TAFA4: variants seen among roughly 807,000 people sequenced by gnomAD.
The protein encoded by TAFA4 is TAFA chemokine like family member 4.
In TAFA4, 20 loss-of-function variants were observed where a neutral mutation model predicts 21.1. That is an observed-to-expected ratio of 0.95 (90% confidence interval 0.67 to 1.38). The LOEUF is 1.38. TAFA4 is among the 40% of genes most tolerant of loss of function. The pLI is 0.00. For synonymous variants in TAFA4, 71 were observed against 67.4 expected, an observed-to-expected ratio of 1.05 and a Z score of -0.26; for missense variants, 211 against 180.9, an observed-to-expected ratio of 1.17 and a Z score of -0.95.
chr3:68,859,399 C>T (rs575222950), intron 3 of TAFA4, among the ~76,000 whole-genome samples: 3 of 152,182 alleles, frequency 2.0e-5, no homozygotes, highest in East Asian at 3.9e-4. Flanking sequence ...CTCCTTGCTG[C>T]GAAGTTTTCC....
chr3:68,832,056 G>A (rs1221745942), intron 3 of TAFA4, among the ~76,000 whole-genome samples: 1 of 151,024 alleles, frequency 6.6e-6, no homozygotes, highest in Non-Finnish European at 1.5e-5. Context: ...TCTCTACACT[G>A]GTTATTCCAG....
intron 1 of TAFA4, among the ~76,000 whole-genome samples, chr3:68,904,339 T>G (rs773951111): frequency 3.3e-5 from 5 of 152,164 alleles, no homozygotes; most frequent in African/African-American, 9.7e-5. Context: ...GGGAGAGCCA[T>G]AGGCTAGCGA....
intron 1 of TAFA4, among the ~76,000 whole-genome samples, chr3:68,894,229 G>A (rs2089761690): frequency 1.3e-5 from 2 of 151,460 alleles, no homozygotes; most frequent in Admixed American, 6.6e-5. Flanking sequence ...CACAATCAGG[G>A]GTCACTGCGT....
intron 4 of TAFA4, among the ~76,000 whole-genome samples, chr3:68,743,707 C>G (rs1702401273): frequency 6.6e-6 from 1 of 152,104 alleles, no homozygotes; most frequent in Admixed American, 6.5e-5. Flanking sequence ...TTTGATTGTC[C>G]CAACAACCTT....
chr3:68,773,785 C>T (rs4484195), intron 3 of TAFA4, among the ~76,000 whole-genome samples: 2 of 151,936 alleles, frequency 1.3e-5, no homozygotes, highest in African/African-American at 2.4e-5. Flanking sequence ...ATAAAATTTT[C>T]GTTTGACAGA....
chr3:68,760,567 C>T (rs1369813403), intron 3 of TAFA4, among the ~76,000 whole-genome samples: 3 of 152,176 alleles, frequency 2.0e-5, no homozygotes, highest in Non-Finnish European at 4.4e-5. Flanking sequence ...TCACACTCCA[C>T]TGATCTTCTT....
intron 3 of TAFA4, among the ~76,000 whole-genome samples, chr3:68,796,183 T>G (rs1379327938): frequency 6.6e-6 from 1 of 152,110 alleles, no homozygotes; most frequent in Non-Finnish European, 1.5e-5. Context: ...AGGCCCTAAA[T>G]AAACCACTTG....
chr3:68,897,017 C>T (rs1469715632), intron 1 of TAFA4, among the ~76,000 whole-genome samples: 1 of 152,170 alleles, frequency 6.6e-6, no homozygotes, highest in Non-Finnish European at 1.5e-5. Context: ...ATTCTCCTGC[C>T]TCAGCCTCCC....
chr3:68,773,276 G>C (rs1165542868), intron 3 of TAFA4, among the ~76,000 whole-genome samples: 1 of 152,114 alleles, frequency 6.6e-6, no homozygotes, highest in Non-Finnish European at 1.5e-5. Flanking sequence ...AGCTCTATAT[G>C]TATAGTTTCC....
At chr3:68,839,028 G>A (rs1021275286) in intron 3 of TAFA4, among the ~76,000 whole-genome samples, 2 of 152,170 alleles carry the variant, frequency 1.3e-5, no homozygotes, top group African/African-American at 4.8e-5. Context: ...AGCCTAGGAG[G>A]TGGAGGCTTC....
chr3:68,857,590 A>G (rs1016009182), intron 3 of TAFA4, among the ~76,000 whole-genome samples: 2 of 152,184 alleles, frequency 1.3e-5, no homozygotes, highest in Non-Finnish European at 2.9e-5. Flanking sequence ...ATACATGTAT[A>G]AATACATTGT....
At chr3:68,818,314 G>A (rs922648390) in intron 3 of TAFA4, among the ~76,000 whole-genome samples, 3 of 152,198 alleles carry the variant, frequency 2.0e-5, no homozygotes, top group Admixed American at 6.5e-5. Flanking sequence ...CATGTTACTA[G>A]AGTGTTGAGG....
intron 3 of TAFA4, among the ~76,000 whole-genome samples, chr3:68,854,929 C>A (rs749685465): frequency 7.9e-5 from 12 of 152,104 alleles, no homozygotes; most frequent in Non-Finnish European, 1.5e-4. Context: ...TTCACTTGTA[C>A]CTGTCTGGAT....
chr3:68,768,137 T>C (rs1436783434), intron 3 of TAFA4, among the ~76,000 whole-genome samples: 1 of 152,044 alleles, frequency 6.6e-6, no homozygotes, highest in Non-Finnish European at 1.5e-5. Flanking sequence ...AAAAAGGGCT[T>C]CTATGTAACA....
chr3:68,840,533 A>G (rs1481508462), intron 3 of TAFA4, among the ~76,000 whole-genome samples: 2 of 152,176 alleles, frequency 1.3e-5, no homozygotes, highest in Non-Finnish European at 2.9e-5. Context: ...CTAGTTTTAG[A>G]AAAATCATTT....
intron 1 of TAFA4, among the ~76,000 whole-genome samples, chr3:68,929,036 T>C (rs2090136056): frequency 6.6e-6 from 1 of 150,548 alleles, no homozygotes. Context: ...ATGAATTGAA[T>C]AGCAACTGTA....
At chr3:68,786,132 G>C (rs571764097) in intron 3 of TAFA4, among the ~76,000 whole-genome samples, 7 of 152,286 alleles carry the variant, frequency 4.6e-5, no homozygotes, top group Admixed American at 2.0e-4. Context: ...ATGACATGGA[G>C]AGCATTCTCT....
intron 3 of TAFA4, among the ~76,000 whole-genome samples, chr3:68,861,815 G>C (rs1333410541): frequency 1.3e-5 from 2 of 152,058 alleles, no homozygotes; most frequent in African/African-American, 2.4e-5. Flanking sequence ...CCCGTCATTG[G>C]ATTCTCACTG....
intron 5 of TAFA4, 111 bp from the exon 6 acceptor site, chr3:68,733,264 C>G: frequency 7.3e-7 from 1 of 1,371,438 alleles, no homozygotes; most frequent in South Asian, 1.5e-5. Context: ...TCAGTTTGTA[C>G]ATTTACCTAT....
Sources: gnomAD v4.1 joint callset for allele counts (sites outside exome capture counted in the v4.1 genomes callset) on GRCh38, gnomAD v4.1.1 for gene constraint, MANE v1.5 for transcripts, NCBI Gene and HGNC (gene_info 2026-07-23, HGNC 2026-07-21) for gene names.